The following ADGRL3 variants were observed in gnomAD, a reference collection of about 807,000 sequenced individuals.
ADGRL3 encodes the protein adhesion G protein-coupled receptor L3.
Under a neutral mutation model 153.5 loss-of-function variants are expected in ADGRL3, and 62 were observed. The ratio of observed to expected loss-of-function variants is 0.40; its 90% CI spans 0.33 to 0.50. The LOEUF is 0.50. Among genes scored for constraint, ADGRL3 ranks in the 20% least tolerant of loss-of-function variants. The pLI is 0.47. For synonymous variants in ADGRL3, 710 were observed against 672.5 expected, an observed-to-expected ratio of 1.06 and a Z score of -0.86; for missense variants, 1,641 against 1,859.4, an observed-to-expected ratio of 0.88 and a Z score of 2.16.
At chr4:61,413,071 C>T (rs2152279037) in intron 2 of ADGRL3, among the ~76,000 whole-genome samples, 1 of 152,246 alleles carries the variant, frequency 6.6e-6, no homozygotes, top group African/African-American at 2.4e-5. Context: ...TCTTTTCTCA[C>T]AGGAAGGTTA....
chr4:62,073,481 C>T lies in ADGRL3; in HGVS notation c.*2573C>T, dbSNP rs1438459338. 1 of 152,080 alleles carries T rather than the reference C, an allele frequency of 6.6e-6. No individual in the cohort carries two copies. The highest frequency in any genetic ancestry group is 1.9e-4 in the East Asian group (1 of 5,178). The allele number at this position is 152,080 out of a possible 1,614,324, so 9.4% of individuals were successfully genotyped here. A position where few individuals can be genotyped will look rare whatever the true frequency, so the allele number is the denominator to read the frequency against. ...TCCTTTTTAGATGTGTTTATGGTAA[C>T]TTCAGAAACACAAATGTGGTCTGTG... is the stretch of plus-strand genomic sequence containing the variant. On this transcript the variant is annotated 3_prime_UTR_variant, in exon 27 of 27. Transcript: ENST00000683033.
chr4:61,379,909 A>G (rs2096647420), intron 1 of ADGRL3, among the ~76,000 whole-genome samples: 1 of 151,974 alleles, frequency 6.6e-6, no homozygotes, highest in African/African-American at 2.4e-5. Context: ...GGCAGTAATA[A>G]TCAGTATGTT....
chr4:61,708,038 A>G (rs768719493), intron 6 of ADGRL3, among the ~76,000 whole-genome samples: 1 of 152,134 alleles, frequency 6.6e-6, no homozygotes, highest in Non-Finnish European at 1.5e-5. Flanking sequence ...ACCTTACCCA[A>G]ATTTCAGCTC....
intron 2 of ADGRL3, among the ~76,000 whole-genome samples, chr4:61,462,512 G>A (rs1293671325): frequency 1.3e-5 from 2 of 151,984 alleles, no homozygotes. Context: ...GATATGTTGG[G>A]CTTGGTTTCA....
intron 12 of ADGRL3, among the ~76,000 whole-genome samples, chr4:61,910,955 AATT>A (rs200804605): frequency 0.018 from 2,739 of 151,614 alleles, 86 homozygotes; most frequent in African/African-American, 0.058. Flanking sequence ...ATTAGATATA[AATT>A]ATTATTATTA....
rs1309415267 is a variant in ADGRL3, at chr4:61,252,220, A to G, written c.-240+50455A>G. Among the ~76,000 whole-genome samples, 8 of 152,144 alleles carry G rather than the reference A, an allele frequency of 5.3e-5. No homozygotes were observed. In the East Asian group the frequency reaches 1.5e-3, roughly 29 times the overall value. On this transcript the variant is annotated intron_variant, in intron 1 of 26. Coordinates refer to ENST00000683033, the MANE Select transcript of ADGRL3 (RefSeq NM_001387552.1). ...ATGAGGACAAATTGCCTATTTTAAAAATGTCTAGATCAGTATCATGCATAT... is the reference window on the plus strand; with the variant it reads ...ATGAGGACAAATTGCCTATTTTAAAGATGTCTAGATCAGTATCATGCATAT...
At chr4:61,666,602 T>C (rs138591492) in intron 5 of ADGRL3, among the ~76,000 whole-genome samples, 40 of 150,858 alleles carry the variant, frequency 2.7e-4, no homozygotes, top group Middle Eastern at 3.6e-3. Flanking sequence ...TGGATTCAGA[T>C]AGTAATATCC....
intron 1 of ADGRL3, among the ~76,000 whole-genome samples, chr4:61,228,604 A>G (rs906903820): frequency 6.6e-6 from 1 of 152,168 alleles, no homozygotes; most frequent in East Asian, 1.9e-4. Flanking sequence ...GACAGATGAA[A>G]ATTTGGATTA....
chr4:61,228,494 G>A (rs1314309851), intron 1 of ADGRL3, among the ~76,000 whole-genome samples: 7 of 152,020 alleles, frequency 4.6e-5, no homozygotes, highest in Admixed American at 2.6e-4. Context: ...GTCATCAATC[G>A]CAATAACCAC....
intron 21 of ADGRL3, among the ~76,000 whole-genome samples, chr4:62,010,359 A>G (rs1441980475): frequency 6.6e-6 from 1 of 152,178 alleles, no homozygotes; most frequent in Non-Finnish European, 1.5e-5. Context: ...CAGAAGGCAC[A>G]TGGAAGATTC....
intron 5 of ADGRL3, among the ~76,000 whole-genome samples, chr4:61,635,082 G>A (rs1362947843): frequency 6.6e-6 from 1 of 152,080 alleles, no homozygotes; most frequent in Non-Finnish European, 1.5e-5. Context: ...CTAAAAGAAG[G>A]GCCTTTGCAT....
chr4:61,512,472 T>TTATAGATCTA (rs2098468750), intron 3 of ADGRL3, among the ~76,000 whole-genome samples: 1 of 152,144 alleles, frequency 6.6e-6, no homozygotes. Context: ...TTGCCTTATT[T>TTATAGATCTA]TATAGATCTA....
At chr4:61,617,218 G>A (rs1439083545) in intron 5 of ADGRL3, among the ~76,000 whole-genome samples, 1 of 152,124 alleles carries the variant, frequency 6.6e-6, no homozygotes, top group Non-Finnish European at 1.5e-5. Context: ...TTAAATGTGT[G>A]AAAAGGTAAC....
chr4:61,705,554 G>A (rs1318158805), intron 6 of ADGRL3, among the ~76,000 whole-genome samples: 1 of 151,512 alleles, frequency 6.6e-6, no homozygotes, highest in Non-Finnish European at 1.5e-5. Context: ...CTGGAGTGCA[G>A]TGGCACAATC....
chr4:61,907,127 G>C (rs899362791), intron 11 of ADGRL3, among the ~76,000 whole-genome samples: 3 of 152,120 alleles, frequency 2.0e-5, no homozygotes, highest in African/African-American at 7.2e-5. Flanking sequence ...GCCCAAGAAA[G>C]AATTTAGGGT....
At chr4:61,668,458 G>GA (rs2094878359) in intron 5 of ADGRL3, among the ~76,000 whole-genome samples, 1 of 152,140 alleles carries the variant, frequency 6.6e-6, no homozygotes, top group Non-Finnish European at 1.5e-5. Context: ...AGAAGCAACA[G>GA]AAAAAACGAA....
intron 6 of ADGRL3, among the ~76,000 whole-genome samples, chr4:61,687,034 GA>G: frequency 6.6e-6 from 1 of 151,954 alleles, no homozygotes; most frequent in African/African-American, 2.4e-5. Context: ...ATTAGTAAAG[GA>G]ATATATATGT....
At chr4:61,422,261 T>C (rs1414241482) in intron 2 of ADGRL3, among the ~76,000 whole-genome samples, 1 of 152,202 alleles carries the variant, frequency 6.6e-6, no homozygotes, top group Non-Finnish European at 1.5e-5. Context: ...ACATTTTCAA[T>C]GTATCAACTT....
chr4:61,338,934 C>T (rs1400742213), intron 1 of ADGRL3, among the ~76,000 whole-genome samples: 4 of 152,150 alleles, frequency 2.6e-5, no homozygotes, highest in Non-Finnish European at 5.9e-5. Flanking sequence ...GACATTTCCA[C>T]GTGTTAGCAA....
Sources: gnomAD v4.1 joint callset for allele counts (sites outside exome capture counted in the v4.1 genomes callset) on GRCh38, gnomAD v4.1.1 for gene constraint, MANE v1.5 for transcripts, NCBI Gene and HGNC (gene_info 2026-07-23, HGNC 2026-07-21) for gene names.